Variants in SCAMP5 observed in about 807,000 individuals in gnomAD.
The protein encoded by SCAMP5 is secretory carrier-associated membrane protein 5.
SCAMP5 carries 7 observed loss-of-function variants against 28.3 expected under a neutral mutation model. The observed-to-expected ratio is 0.25, with a 90% confidence interval of 0.14 to 0.46. SCAMP5 has a LOEUF of 0.46. SCAMP5 is among the 20% of genes least tolerant of loss of function. The pLI is 0.99. For synonymous variants in SCAMP5, 117 were observed against 116.4 expected, an observed-to-expected ratio of 1.00 and a Z score of -0.03; for missense variants, 192 against 312.5, an observed-to-expected ratio of 0.61 and a Z score of 2.91.
chr15:75,000,308 A>G (rs1048119744), intron 1 of SCAMP5, among the ~76,000 whole-genome samples: 1 of 152,132 alleles, frequency 6.6e-6, no homozygotes, highest in Non-Finnish European at 1.5e-5. Context: ...TGGGCTCACA[A>G]TCCTCCCACC....
At chr15:75,015,942 A>G (rs1476548746) in intron 3 of SCAMP5, among the ~76,000 whole-genome samples, 4 of 151,796 alleles carry the variant, frequency 2.6e-5, no homozygotes, top group South Asian at 4.2e-4. Context: ...AAAAAAAAAA[A>G]AAAAGAAATA....
intron 1 of SCAMP5, chr15:74,997,102 A>C (rs2065660590): frequency 6.6e-6 from 1 of 152,176 alleles, no homozygotes; most frequent in African/African-American, 2.4e-5. Flanking sequence ...AATAGGACTA[A>C]GTAGTGACCT....
intron 3 of SCAMP5, among the ~76,000 whole-genome samples, chr15:75,016,161 A>G (rs1000620470): frequency 2.0e-5 from 3 of 152,074 alleles, no homozygotes; most frequent in Non-Finnish European, 4.4e-5. Flanking sequence ...GGCTGAAGCC[A>G]TTCTTGACAA....
intron 1 of SCAMP5, among the ~76,000 whole-genome samples, chr15:75,010,683 T>G (rs1012576143): frequency 2.6e-5 from 4 of 152,146 alleles, no homozygotes; most frequent in African/African-American, 9.7e-5. Flanking sequence ...AGTCTGTCCC[T>G]GTAGTCTAGC....
rs2065874359 is a variant in SCAMP5 at position 75,018,058 on chromosome 15, C to T, written c.395+87C>T. ...TACCTTTGTGTGCTAAGCTGTCTAG[C>T]CTATGGGGCCTGAGTGATGGGTTGT... On this transcript the variant is annotated intron_variant, in intron 5 of 6. Transcript: ENST00000425597. The surrounding 1 kb of genome is among the most constrained non-coding windows in gnomAD (Gnocchi z 5.6). 3 of 799,320 alleles carry T rather than the reference C, an allele frequency of 3.8e-6. No homozygotes were observed. The highest frequency in any genetic ancestry group is 1.9e-5 in the Admixed American group (1 of 52,326). 49.5% of individuals were successfully genotyped at this position (799,320 alleles called of 1,614,324 possible).
chr15:75,001,269 C>CAAAAA (rs34325708), intron 1 of SCAMP5, among the ~76,000 whole-genome samples: 8 of 58,162 alleles, frequency 1.4e-4, no homozygotes, highest in South Asian at 6.7e-4. Flanking sequence ...AGCGAGACTC[C>CAAAAA]AAAAAAAAAA....
intron 1 of SCAMP5, among the ~76,000 whole-genome samples, chr15:75,002,586 G>A (rs2065720148): frequency 1.3e-5 from 2 of 151,908 alleles, no homozygotes; most frequent in South Asian, 4.2e-4. Flanking sequence ...GTTAGTCCCG[G>A]TAGTGCCATC....
intron 1 of SCAMP5, among the ~76,000 whole-genome samples, chr15:74,998,159 G>T (rs2065669978): frequency 6.6e-6 from 1 of 152,192 alleles, no homozygotes; most frequent in Non-Finnish European, 1.5e-5. Context: ...TATAGTTAGG[G>T]TTTCATGAAC....
intron 1 of SCAMP5, chr15:75,011,512 C>T (rs1567026633): frequency 7.9e-6 from 2 of 252,344 alleles, no homozygotes; most frequent in Non-Finnish European, 7.7e-6. Flanking sequence ...TTGGCTTTCC[C>T]TGTATGGGAT....
intron 1 of SCAMP5, among the ~76,000 whole-genome samples, chr15:75,009,094 A>T (rs1399853229): frequency 3.3e-5 from 5 of 152,124 alleles, no homozygotes; most frequent in African/African-American, 1.2e-4. Flanking sequence ...AGACTTTTGC[A>T]TATCAGTACC....
chr15:75,017,715 G>A lies in SCAMP5; in HGVS notation c.294-155G>A, dbSNP rs2065870881. On this transcript the variant is annotated intron_variant, in intron 4 of 6. Coordinates refer to ENST00000425597, the MANE Select transcript of SCAMP5 (RefSeq NM_138967.4). The stretch of plus-strand genomic sequence containing the variant: ...CTACCACGTGGAAACTTGCAAAGAT[G>A]TATGGGTAGAACTAACCCCTTCTGA... The A allele has an allele frequency of 4.6e-6, 3 of 653,566 alleles. No homozygotes were observed. In the Admixed American group the frequency reaches 7.2e-5, roughly 16 times the overall value. 40.5% of individuals were successfully genotyped at this position (653,566 alleles called of 1,614,324 possible).
intron 2 of SCAMP5, among the ~76,000 whole-genome samples, 169 bp downstream of exon 2, chr15:75,012,015 A>G (rs370709983): frequency 1.3e-5 from 2 of 152,170 alleles, no homozygotes; most frequent in Admixed American, 6.6e-5. Flanking sequence ...GAGAACTTCA[A>G]CATGACATTG....
At chr15:75,005,850 G>A (rs981609659) in intron 1 of SCAMP5, among the ~76,000 whole-genome samples, 21 of 151,622 alleles carry the variant, frequency 1.4e-4, no homozygotes, top group Admixed American at 9.2e-4. Flanking sequence ...TCAGCCTCCC[G>A]AGTAGTTGGG....
intron 3 of SCAMP5, among the ~76,000 whole-genome samples, chr15:75,013,940 G>T (rs182337044): frequency 6.6e-6 from 1 of 152,200 alleles, no homozygotes; most frequent in Non-Finnish European, 1.5e-5. Flanking sequence ...TCTGTAGCAG[G>T]GGGTGGGAAA....
At chr15:75,010,628 A>G (rs929772856) in intron 1 of SCAMP5, among the ~76,000 whole-genome samples, 5 of 152,150 alleles carry the variant, frequency 3.3e-5, no homozygotes, top group African/African-American at 1.2e-4. Flanking sequence ...GCTGTGCAAC[A>G]CAGCAAGACC....
intron 3 of SCAMP5, among the ~76,000 whole-genome samples, chr15:75,014,907 C>T (rs1360049831): frequency 2.0e-5 from 3 of 152,154 alleles, no homozygotes; most frequent in Non-Finnish European, 2.9e-5. Flanking sequence ...AACACCAAGC[C>T]TCCAGGAGAT....
In SCAMP5 at chr15:75,018,051, T is replaced by C; in HGVS notation, c.395+80T>C. 1 of 892,388 alleles carries C rather than the reference T, an allele frequency of 1.1e-6. No individual in the cohort carries two copies. The highest frequency in any genetic ancestry group is 1.8e-6 in the Non-Finnish European group (1 of 544,998). 55.3% of individuals were successfully genotyped at this position (892,388 alleles called of 1,614,324 possible). A position where few individuals can be genotyped will look rare whatever the true frequency, so the allele number is the denominator to read the frequency against. On this transcript the variant is annotated intron_variant, in intron 5 of 6. Coordinates refer to ENST00000425597, the MANE Select transcript of SCAMP5 (RefSeq NM_138967.4). The surrounding 1 kb of genome is among the most constrained non-coding windows in gnomAD (Gnocchi z 5.6). ...TTTTGCTTACCTTTGTGTGCTAAGC[T>C]GTCTAGCCTATGGGGCCTGAGTGAT...
chr15:75,016,481 G>T, intron 3 of SCAMP5, 112 bp from the exon 4 acceptor site: 1 of 967,762 alleles, frequency 1.0e-6, no homozygotes, highest in Non-Finnish European at 1.6e-6. Context: ...TGGCTTGATT[G>T]TGGGTCTCTG....
chr15:74,996,797 G>A lies in SCAMP5; in HGVS notation c.-49+1124G>A, dbSNP rs1034065345. ...ATGATTGGCAGAGAGATTTTGTTTG[G>A]GGCTACACAGGTCTTGCTAACTTAG... is the stretch of plus-strand genomic sequence containing the variant. On this transcript the variant is annotated intron_variant, in intron 1 of 6. Coordinates refer to ENST00000425597, the MANE Select transcript of SCAMP5 (RefSeq NM_138967.4). The surrounding 1 kb of genome is among the most constrained non-coding windows in gnomAD (Gnocchi z 4.1). Among the ~76,000 whole-genome samples the A allele has an allele frequency of 5.3e-5, 8 of 152,174 alleles. No homozygotes were observed. The highest frequency in any genetic ancestry group is 1.9e-4 in the African/African-American group (8 of 41,430).
Sources: gnomAD v4.1 joint callset for allele counts (sites outside exome capture counted in the v4.1 genomes callset) on GRCh38, gnomAD v4.1.1 for gene constraint, Gnocchi (gnomAD v3.1) non-coding constraint, MANE v1.5 for transcripts, NCBI Gene and HGNC (gene_info 2026-07-23, HGNC 2026-07-21) for gene names.